VAV3: variants seen among roughly 807,000 people sequenced by gnomAD.
VAV3 encodes the protein guanine nucleotide exchange factor VAV3.
Under a neutral mutation model 131.2 loss-of-function variants are expected in VAV3, and 94 were observed. The observed-to-expected ratio is 0.72, with a 90% CI of 0.61 to 0.85. The LOEUF (loss-of-function observed/expected upper bound fraction) is 0.85, where lower values mean the gene tolerates loss of function less well. Among genes scored for constraint, VAV3 ranks in the 40% least tolerant of loss-of-function variants. The pLI, the probability that VAV3 is intolerant of heterozygous loss-of-function variation, is 0.00. For synonymous variants in VAV3, 349 were observed against 342.0 expected (o/e 1.02, Z -0.22); for missense variants, 939 against 1,002.7 (o/e 0.94, Z 0.86).
intron 2 of VAV3, among the ~76,000 whole-genome samples, chr1:107,789,366 G>A (rs1302577463): frequency 6.6e-6 from 1 of 152,320 alleles, no homozygotes; most frequent in East Asian, 1.9e-4. Flanking sequence ...ATAGGATCTC[G>A]TCGTGGGGAA....
At chr1:107,876,739 T>C (rs1325936636) in intron 1 of VAV3, among the ~76,000 whole-genome samples, 1 of 152,088 alleles carries the variant, frequency 6.6e-6, no homozygotes, top group Non-Finnish European at 1.5e-5. Flanking sequence ...CTAACTGCAG[T>C]GGCACATATT....
chr1:107,692,535 T>A (rs1254161526), intron 17 of VAV3, among the ~76,000 whole-genome samples: 1 of 152,168 alleles, frequency 6.6e-6, no homozygotes, highest in Non-Finnish European at 1.5e-5. Context: ...AGTACTGTGA[T>A]AAAATGCCTA....
chr1:107,641,651 A>G (rs1655347797), intron 20 of VAV3, among the ~76,000 whole-genome samples: 1 of 152,178 alleles, frequency 6.6e-6, no homozygotes, highest in Non-Finnish European at 1.5e-5. Flanking sequence ...AATAATGCCC[A>G]GAGCACCTCT....
chr1:107,787,565 C>T (rs1666075212), intron 2 of VAV3, among the ~76,000 whole-genome samples: 1 of 152,138 alleles, frequency 6.6e-6, no homozygotes, highest in Non-Finnish European at 1.5e-5. Context: ...TCTCTTTCTT[C>T]AGGTTGATAC....
At chr1:107,669,233 T>A (rs1268657141) in intron 19 of VAV3, 2 of 1,206,180 alleles carry the variant, frequency 1.7e-6, no homozygotes, top group Admixed American at 7.1e-5. Flanking sequence ...AAACATGAAG[T>A]AATCCTTACT....
At chr1:107,734,535 CA>C (rs1169441552) in intron 15 of VAV3, among the ~76,000 whole-genome samples, 1 of 152,006 alleles carries the variant, frequency 6.6e-6, no homozygotes, top group African/African-American at 2.4e-5. Context: ...AGATGGAAAG[CA>C]AAAGAAAAGC....
At chr1:107,716,243 T>A (rs930665402) in intron 15 of VAV3, among the ~76,000 whole-genome samples, 13 of 152,302 alleles carry the variant, frequency 8.5e-5, no homozygotes, top group South Asian at 6.2e-4. Flanking sequence ...GAAAAAGAAC[T>A]TTAAAACGTT....
rs756854628 is a variant in VAV3 at position 107,574,146 on chromosome 1, T to G, written c.2403A>C (p.Ala801=). ...ACAAGGACAACTCTCTCATATCTCTTGCACAGAAGTCATACCGAGCGATGG... is the reference window on the plus strand; with the variant it reads ...ACAAGGACAACTCTCTCATATCTCTGGCACAGAAGTCATACCGAGCGATGG... ...GIAIARYDFC[A]RDMRELSLLK... The change falls in exon 26 of 27, where the codon GCA becomes GCC. Residue 801 remains alanine (A), a synonymous_variant. Coordinates refer to ENST00000370056, the MANE Select transcript of VAV3 (RefSeq NM_006113.5). The G allele has an allele frequency of 1.3e-5, 21 of 1,614,122 alleles. No homozygotes were observed. Among genetic ancestry groups the G allele is most frequent in the Non-Finnish European group, 1.8e-5 (21 of 1,180,004 alleles).
chr1:107,764,539 A>T (rs1424268342), intron 9 of VAV3, among the ~76,000 whole-genome samples: 4 of 152,128 alleles, frequency 2.6e-5, no homozygotes, highest in Non-Finnish European at 5.9e-5. Context: ...TTTGTTTTTG[A>T]TACAGGGTCT....
intron 15 of VAV3, among the ~76,000 whole-genome samples, chr1:107,747,931 T>C (rs1163741992): frequency 5.3e-5 from 8 of 152,182 alleles, no homozygotes; most frequent in Non-Finnish European, 4.4e-5. Context: ...AACACGAGCA[T>C]TTCTTAAAAC....
At position 107,651,647 on chromosome 1, in the gene VAV3, TTC is replaced by T. The variant is rs1320342509; in HGVS notation, c.1778-8894_1778-8893del. Among the ~76,000 whole-genome samples the T allele has an allele frequency of 2.0e-5, 3 of 151,984 alleles. No individual in the cohort carries two copies. The East Asian group carries it at 5.8e-4, about 29-fold the overall frequency. On this transcript the variant is annotated intron_variant, in intron 19 of 26. Transcript: ENST00000370056. ...ATATACTTGATTATATCTCTAAAAT[TTC>T]TCTCTAATCAAACCATTTCTTGCCA... is the stretch of plus-strand genomic sequence containing the variant.
chr1:107,739,777 GCCAAAGCA>G (rs1662896826), intron 15 of VAV3, among the ~76,000 whole-genome samples: 1 of 152,194 alleles, frequency 6.6e-6, no homozygotes, highest in Non-Finnish European at 1.5e-5. Context: ...CTAAGAAAAT[GCCAAAGCA>G]GGTGACAAAA....
intron 20 of VAV3, among the ~76,000 whole-genome samples, chr1:107,620,077 T>C (rs1653451770): frequency 6.6e-6 from 1 of 152,200 alleles, no homozygotes; most frequent in African/African-American, 2.4e-5. Context: ...GTAGTATATG[T>C]AATTATTGTT....
intron 8 of VAV3, 135 bp downstream of exon 8, chr1:107,766,312 A>G: frequency 1.6e-6 from 1 of 606,926 alleles, no homozygotes; most frequent in Non-Finnish European, 2.9e-6. Flanking sequence ...TCTGAAAGTA[A>G]TTGTCCCACG....
intron 2 of VAV3, among the ~76,000 whole-genome samples, chr1:107,804,253 T>C (rs1666958278): frequency 6.6e-6 from 1 of 152,188 alleles, no homozygotes; most frequent in Non-Finnish European, 1.5e-5. Context: ...CTATTACTGA[T>C]GGGTAAGGAC....
intron 1 of VAV3, among the ~76,000 whole-genome samples, chr1:107,906,621 G>A (rs542637882): frequency 2.0e-5 from 3 of 152,066 alleles, no homozygotes; most frequent in South Asian, 2.1e-4. Flanking sequence ...AGCCAAGATC[G>A]CGCCACTGCA....
intron 12 of VAV3, among the ~76,000 whole-genome samples, chr1:107,754,134 G>A (rs1663952237): frequency 6.6e-6 from 1 of 152,122 alleles, no homozygotes; most frequent in African/African-American, 2.4e-5. Context: ...ATTAGCTGGA[G>A]GGGTTCAGGA....
intron 1 of VAV3, among the ~76,000 whole-genome samples, chr1:107,944,590 C>A (rs1339470844): frequency 1.3e-5 from 2 of 151,740 alleles, no homozygotes; most frequent in Non-Finnish European, 2.9e-5. Context: ...TCTGAATGAA[C>A]AAAACGCAGT....
In VAV3 at chr1:107,573,142, C is replaced by G. The variant is rs1649370592; in HGVS notation, c.*189G>C. On this transcript the variant is annotated 3_prime_UTR_variant, in exon 27 of 27. Transcript: ENST00000370056. ...GTTTCTTGCACAGCTCTAGGCAAGC[C>G]ATTAATCTGTCAGTACCAGCATCTT... 3.1e-6 allele frequency: 2 copies of G among 653,862 alleles called. No individual in the cohort carries two copies. The highest frequency in any genetic ancestry group is 5.6e-5 in the East Asian group (2 of 35,526). 40.5% of individuals were successfully genotyped at this position (653,862 alleles called of 1,614,324 possible).
Sources: allele counts gnomAD v4.1 joint callset (sites outside exome capture counted in the v4.1 genomes callset), GRCh38; gene constraint gnomAD v4.1.1; transcripts MANE v1.5; gene names NCBI Gene and HGNC (gene_info 2026-07-23, HGNC 2026-07-21).